Variants in RMND5A observed in about 807,000 individuals in gnomAD.
RMND5A encodes E3 ubiquitin-protein transferase RMND5A.
RMND5A carries 17 observed loss-of-function variants against 49.7 expected under a neutral mutation model. That is an observed-to-expected ratio of 0.34 (90% CI 0.23 to 0.51). The LOEUF (loss-of-function observed/expected upper bound fraction) is 0.51, where lower values mean the gene tolerates loss of function less well. Among genes scored for constraint, RMND5A ranks in the 20% least tolerant of loss-of-function variants. The probability of loss-of-function intolerance (pLI) is 0.96; values close to 1 mark genes in which losing one functional copy is unlikely to be tolerated. For synonymous variants in RMND5A, 156 were observed against 167.7 expected, an observed-to-expected ratio of 0.93 and a Z score of 0.54; for missense variants, 255 against 471.3, an observed-to-expected ratio of 0.54 and a Z score of 4.25.
At chr2:86,753,268 C>G (rs1356534002) in intron 3 of RMND5A, among the ~76,000 whole-genome samples, 190 bp from the exon 4 acceptor site, 1 of 152,162 alleles carries the variant, frequency 6.6e-6, no homozygotes, top group African/African-American at 2.4e-5. Context: ...CTTATGTACC[C>G]TGCTGAAATT....
intron 4 of RMND5A, among the ~76,000 whole-genome samples, chr2:86,760,479 A>G (rs1174827434): frequency 1.3e-5 from 2 of 152,228 alleles, no homozygotes; most frequent in East Asian, 3.8e-4. Context: ...TGATGTATTA[A>G]CTGTGAGCAA....
chr2:86,772,599 C>CTT (rs762440102), intron 8 of RMND5A, among the ~76,000 whole-genome samples: 9 of 142,800 alleles, frequency 6.3e-5, no homozygotes, highest in African/African-American at 7.7e-5. Flanking sequence ...GTGAGCTCAG[C>CTT]TTTTTTTTTT....
intron 2 of RMND5A, among the ~76,000 whole-genome samples, chr2:86,751,299 C>A (rs910442739): frequency 5.3e-5 from 8 of 152,102 alleles, no homozygotes; most frequent in African/African-American, 1.9e-4. Flanking sequence ...CACCTGGTAG[C>A]CAATATGGGA....
intron 4 of RMND5A, among the ~76,000 whole-genome samples, chr2:86,762,043 G>T (rs1452049989): frequency 6.6e-6 from 1 of 152,096 alleles, no homozygotes; most frequent in African/African-American, 2.4e-5. Flanking sequence ...TTTAAAAAAA[G>T]GAAGTTAAGA....
At position 86,771,678 on chromosome 2, in the gene RMND5A, A is replaced by G. The variant is rs1672688105; in HGVS notation, c.1078A>G (p.Arg360Gly). The G allele has an allele frequency of 1.2e-6, 2 of 1,612,136 alleles. No individual in the cohort carries two copies. Among genetic ancestry groups the G allele is most frequent in the Non-Finnish European group, 1.7e-6 (2 of 1,179,000 alleles). ...MKLVCGHIISRDALNKMFNGS... is the reference protein window; with the variant it reads ...MKLVCGHIISGDALNKMFNGS... ...ATTGGTCTGTGGTCATATTATATCA[A>G]GAGATGCCCTGAATAAAATGTTTAA... Residue 360 changes from arginine (R) to glycine (G), a missense_variant, in exon 8 of 9, where the codon AGA becomes GGA. Around this residue, in one of 3 missense-constraint regions of RMND5A, gnomAD observed 208 missense variants for 339.8 expected, o/e 0.61. Transcript: ENST00000283632.
intron 2 of RMND5A, among the ~76,000 whole-genome samples, chr2:86,749,111 A>G (rs1257466430): frequency 6.6e-6 from 1 of 152,202 alleles, no homozygotes; most frequent in Non-Finnish European, 1.5e-5. Flanking sequence ...TTGGGAGAGA[A>G]CAGCGTTGAT....
At chr2:86,756,085 T>C (rs1202845718) in intron 4 of RMND5A, among the ~76,000 whole-genome samples, 1 of 152,156 alleles carries the variant, frequency 6.6e-6, no homozygotes, top group Non-Finnish European at 1.5e-5. Context: ...TTGAGGTTCA[T>C]TTTAACTTAT....
rs976624684 is a variant in RMND5A, at chr2:86,775,450, T to C, written c.*2039T>C. On this transcript the variant is annotated 3_prime_UTR_variant, in exon 9 of 9. Coordinates refer to ENST00000283632, the MANE Select transcript of RMND5A (RefSeq NM_022780.4). ...CTGTAAGGTTTGAATGAGACAGATG[T>C]ACTCTGAAGGCTGGTGGTAAATGTG... is the stretch of plus-strand genomic sequence containing the variant. 1.3e-5 allele frequency: 2 copies of C among 151,784 alleles called. No individual in the cohort carries two copies. The highest frequency in any genetic ancestry group is 2.9e-5 in the Non-Finnish European group (2 of 67,978). 9.4% of individuals were successfully genotyped at this position (151,784 alleles called of 1,614,324 possible). A position where few individuals can be genotyped will look rare whatever the true frequency, so the allele number is the denominator to read the frequency against.
intron 4 of RMND5A, among the ~76,000 whole-genome samples, chr2:86,762,664 T>TTA (rs1411378631): frequency 2.2e-5 from 3 of 136,314 alleles, no homozygotes; most frequent in South Asian, 2.2e-4. Context: ...AAATATTTTT[T>TTA]TATATATATA....
At chr2:86,749,169 C>T (rs370234752) in intron 2 of RMND5A, among the ~76,000 whole-genome samples, 1 of 152,110 alleles carries the variant, frequency 6.6e-6, no homozygotes, top group Admixed American at 6.5e-5. Flanking sequence ...GTACCATCTC[C>T]GGTGTTGTAG....
Position 86,773,385 on chromosome 2 carries a change from G to A in RMND5A, c.1150G>A (p.Gly384Arg). The change falls in exon 9 of 9, where the codon GGA becomes AGA. Residue 384 changes from glycine to arginine, a missense_variant. Coordinates refer to ENST00000283632, the MANE Select transcript of RMND5A (RefSeq NM_022780.4). ...CTACTGTCCAATGGAACAAAGTCCA[G>A]GAGATGCCAAACAGATATTTTTCTG... is the stretch of plus-strand genomic sequence containing the variant. ...CPYCPMEQSPGDAKQIFF is the reference protein window; with the variant it reads ...CPYCPMEQSPRDAKQIFF 1 of 1,608,558 alleles carries A rather than the reference G, an allele frequency of 6.2e-7. No individual in the cohort carries two copies. Among genetic ancestry groups the A allele is most frequent in the Non-Finnish European group, 8.5e-7 (1 of 1,175,170 alleles).
intron 4 of RMND5A, among the ~76,000 whole-genome samples, chr2:86,762,343 A>T (rs1850138): frequency 0.7 from 107,153 of 152,126 alleles, 37,912 homozygotes; most frequent in East Asian, 0.91. Flanking sequence ...AAATTACTTT[A>T]AAAAATGTAT....
intron 3 of RMND5A, among the ~76,000 whole-genome samples, chr2:86,752,488 A>G (rs528013997): frequency 4.7e-4 from 71 of 152,360 alleles, no homozygotes; most frequent in African/African-American, 1.6e-3. Flanking sequence ...TCTATCACAC[A>G]TGAGTTAGAA....
intron 8 of RMND5A, among the ~76,000 whole-genome samples, chr2:86,772,096 T>C (rs1282596590): frequency 6.6e-6 from 1 of 152,220 alleles, no homozygotes; most frequent in Non-Finnish European, 1.5e-5. Context: ...TATATTCTAC[T>C]GTATAGAAAT....
At chr2:86,754,489 G>A (rs143157687) in intron 4 of RMND5A, among the ~76,000 whole-genome samples, 59 of 152,274 alleles carry the variant, frequency 3.9e-4, no homozygotes, top group African/African-American at 1.3e-3. Flanking sequence ...TTTATAAAAT[G>A]TACACTTTTT....
intron 6 of RMND5A, 29 bp downstream of exon 6, chr2:86,766,053 A>C (rs1451942034): frequency 1.3e-6 from 2 of 1,584,232 alleles, no homozygotes; most frequent in African/African-American, 2.7e-5. Context: ...TCTGTTATTG[A>C]AGTATGCACT....
chr2:86,747,069 A>G (rs1212052647), intron 2 of RMND5A, among the ~76,000 whole-genome samples: 1 of 152,220 alleles, frequency 6.6e-6, no homozygotes, highest in Non-Finnish European at 1.5e-5. Context: ...GTGCCTCATT[A>G]TCAGCTTTAC....
intron 1 of RMND5A, among the ~76,000 whole-genome samples, chr2:86,721,516 T>C (rs942015708): frequency 6.6e-6 from 1 of 151,896 alleles, no homozygotes; most frequent in African/African-American, 2.4e-5. Context: ...TTTGCCCAAG[T>C]AAATTGTGCA....
At chr2:86,749,450 C>T (rs1226797610) in intron 2 of RMND5A, among the ~76,000 whole-genome samples, 1 of 151,424 alleles carries the variant, frequency 6.6e-6, no homozygotes, top group Non-Finnish European at 1.5e-5. Context: ...AGTGCAATGG[C>T]GTGATCTCGG....
Sources: allele counts gnomAD v4.1 joint callset (sites outside exome capture counted in the v4.1 genomes callset), GRCh38; gene constraint gnomAD v4.1.1; regional missense constraint gnomAD v4.1.1; transcripts MANE v1.5; gene names NCBI Gene and HGNC (gene_info 2026-07-23, HGNC 2026-07-21).